Variants in SCFD2 observed in about 807,000 individuals in gnomAD.
SCFD2 encodes the protein sec1 family domain containing 2, also known as sec1 family domain-containing protein 2.
In SCFD2, 54 loss-of-function variants were observed where a neutral mutation model predicts 58.9. The observed-to-expected ratio is 0.92, with a 90% CI of 0.74 to 1.15. The LOEUF (loss-of-function observed/expected upper bound fraction) is 1.15. Among genes scored for constraint, SCFD2 ranks in the 50% most tolerant of loss-of-function variants. The pLI is 0.00. For synonymous variants in SCFD2, 321 were observed against 335.9 expected, an observed-to-expected ratio of 0.96 and a Z score of 0.49; for missense variants, 805 against 836.6, an observed-to-expected ratio of 0.96 and a Z score of 0.47.
At chr4:53,009,728 T>G (rs1057162736) in intron 5 of SCFD2, among the ~76,000 whole-genome samples, 23 of 152,314 alleles carry the variant, frequency 1.5e-4, no homozygotes, top group African/African-American at 5.5e-4. Flanking sequence ...TTTTCACTAT[T>G]ATGGCATCTG....
chr4:52,904,277 C>T (rs949435676), intron 7 of SCFD2, among the ~76,000 whole-genome samples: 1 of 152,342 alleles, frequency 6.6e-6, no homozygotes, highest in South Asian at 2.1e-4. Flanking sequence ...ACCCTGAGCA[C>T]AGGAAGGATT....
chr4:53,232,786 G>T (rs1729478314), intron 4 of SCFD2, among the ~76,000 whole-genome samples: 1 of 152,054 alleles, frequency 6.6e-6, no homozygotes, highest in Non-Finnish European at 1.5e-5. Flanking sequence ...ACATTCTGGA[G>T]AAAAAAACCA....
chr4:52,933,881 A>T (rs1720062591), intron 5 of SCFD2, among the ~76,000 whole-genome samples: 1 of 152,152 alleles, frequency 6.6e-6, no homozygotes, highest in Non-Finnish European at 1.5e-5. Flanking sequence ...TGGGTTAATT[A>T]TCATGGGAAT....
intron 5 of SCFD2, among the ~76,000 whole-genome samples, chr4:53,107,251 G>A (rs1017685818): frequency 3.3e-5 from 5 of 152,208 alleles, no homozygotes; most frequent in East Asian, 1.9e-4. Context: ...AGGAAAAACC[G>A]GTACTATCCA....
intron 7 of SCFD2, among the ~76,000 whole-genome samples, chr4:52,899,315 T>C (rs1265396837): frequency 6.6e-6 from 1 of 152,240 alleles, no homozygotes; most frequent in African/African-American, 2.4e-5. Context: ...GTTTAGTGCT[T>C]CTTTCAGGAG....
intron 3 of SCFD2, among the ~76,000 whole-genome samples, chr4:53,290,098 A>T (rs1482923520): frequency 1.3e-5 from 2 of 152,198 alleles, no homozygotes; most frequent in Non-Finnish European, 2.9e-5. Context: ...GAAATACTGG[A>T]CTTGAACCAC....
chr4:53,044,914 C>CCCCCCCCCCCCCCCT (rs1553872123), intron 5 of SCFD2, among the ~76,000 whole-genome samples: 1 of 89,160 alleles, frequency 1.1e-5, no homozygotes, highest in African/African-American at 6.5e-5. Context: ...CAACCCCCCC[C>CCCCCCCCCCCCCCCT]CCCCGCCCAC....
chr4:53,229,517 G>C (rs1346039282), intron 4 of SCFD2, among the ~76,000 whole-genome samples: 7 of 152,152 alleles, frequency 4.6e-5, no homozygotes, highest in Admixed American at 1.3e-4. Context: ...ACAAGCAATG[G>C]GGAAAGGATT....
chr4:53,228,693 C>T (rs1198645183), intron 4 of SCFD2, among the ~76,000 whole-genome samples: 1 of 152,088 alleles, frequency 6.6e-6, no homozygotes, highest in East Asian at 1.9e-4. Flanking sequence ...TGGAAGCATT[C>T]CCTTTGAAAA....
chr4:52,923,691 T>C (rs1265683561), intron 5 of SCFD2, among the ~76,000 whole-genome samples: 1 of 152,020 alleles, frequency 6.6e-6, no homozygotes, highest in African/African-American at 2.4e-5. Context: ...AATGTGTAGT[T>C]TTATGGGGAG....
At chr4:53,298,762 T>A (rs934728727) in intron 3 of SCFD2, among the ~76,000 whole-genome samples, 7 of 152,008 alleles carry the variant, frequency 4.6e-5, no homozygotes, top group African/African-American at 1.2e-4. Context: ...AGAGGAACGA[T>A]CAGGCAGCAG....
chr4:53,104,248 T>C (rs1485372190), intron 5 of SCFD2, among the ~76,000 whole-genome samples: 8 of 152,262 alleles, frequency 5.3e-5, no homozygotes, highest in Non-Finnish European at 5.9e-5. Context: ...ATCATGTCAA[T>C]GGTATATACT....
chr4:53,004,781 C>A (rs751429631), intron 5 of SCFD2, among the ~76,000 whole-genome samples: 1 of 152,118 alleles, frequency 6.6e-6, no homozygotes, highest in Non-Finnish European at 1.5e-5. Flanking sequence ...TGGTGCACCA[C>A]TGGAAGTAAG....
intron 6 of SCFD2, among the ~76,000 whole-genome samples, chr4:52,913,492 G>A (rs779000937): frequency 9.2e-5 from 14 of 151,972 alleles, no homozygotes; most frequent in Non-Finnish European, 1.3e-4. Flanking sequence ...CCCATCACCC[G>A]TAGACAGGAC....
chr4:53,105,550 C>G (rs1288991701), intron 5 of SCFD2, among the ~76,000 whole-genome samples: 1 of 152,202 alleles, frequency 6.6e-6, no homozygotes, highest in Admixed American at 6.5e-5. Context: ...TTTCCCCTAA[C>G]AGTGTAAACA....
At chr4:53,279,494 A>C (rs1731441370) in intron 3 of SCFD2, among the ~76,000 whole-genome samples, 1 of 152,206 alleles carries the variant, frequency 6.6e-6, no homozygotes, top group South Asian at 2.1e-4. Context: ...TTCATCAAAC[A>C]TCAATTCTAT....
intron 5 of SCFD2, among the ~76,000 whole-genome samples, chr4:53,012,836 G>GTGTGTGTTTT (rs1553914338): frequency 9.6e-5 from 14 of 145,084 alleles, no homozygotes; most frequent in African/African-American, 2.5e-4. Context: ...GTGTGTGTGT[G>GTGTGTGTTTT]TTTTTTTTTA....
In SCFD2 at chr4:53,103,899, A is replaced by T. The variant is rs1389271566; in HGVS notation, c.1561+41434T>A. On this transcript the variant is annotated intron_variant, in intron 5 of 8. Transcript: ENST00000401642. Reference sequence around the variant, plus strand: ...GCCAAAGCTGGAACAATATGAGCTAAAAAAAAAAAAAAAAAAAGAAAATGA... The same window carrying T: ...GCCAAAGCTGGAACAATATGAGCTATAAAAAAAAAAAAAAAAAGAAAATGA... Among the ~76,000 whole-genome samples, 4 of 88,978 alleles carry T rather than the reference A, an allele frequency of 4.5e-5. No individual in the cohort carries two copies. In the East Asian group the frequency reaches 9.7e-4, roughly 22 times the overall value. 58.4% of individuals were successfully genotyped at this position (88,978 alleles called of 152,430 possible).
chr4:53,254,663 C>T lies in SCFD2; in HGVS notation c.1311+19163G>A, dbSNP rs146901687. Among the ~76,000 whole-genome samples the T allele has an allele frequency of 8.6e-3, 1,301 of 151,464 alleles. 21 individuals carry two copies. The highest frequency in any genetic ancestry group is 0.03 in the African/African-American group (1,224 of 41,366). ...CGACCCATGTCATTTTAGACCAGTGCTGACCATTTCTCTTATTCTGAGATG... is the reference window on the plus strand; with the variant it reads ...CGACCCATGTCATTTTAGACCAGTGTTGACCATTTCTCTTATTCTGAGATG... On this transcript the variant is annotated intron_variant, in intron 4 of 8. Coordinates refer to ENST00000401642, the MANE Select transcript of SCFD2 (RefSeq NM_152540.4).
Sources: allele counts gnomAD v4.1 joint callset (sites outside exome capture counted in the v4.1 genomes callset), GRCh38; gene constraint gnomAD v4.1.1; transcripts MANE v1.5; gene names NCBI Gene and HGNC (gene_info 2026-07-23, HGNC 2026-07-21).